MGRN1: variants seen among roughly 807,000 people sequenced by gnomAD.
MGRN1 encodes the protein mahogunin ring finger 1.
A neutral mutation model predicts 69.2 loss-of-function variants in MGRN1; 29 were observed. The ratio of observed to expected loss-of-function variants is 0.42; its 90% CI spans 0.31 to 0.57. The LOEUF (loss-of-function observed/expected upper bound fraction) is 0.57. Among genes scored for constraint, MGRN1 ranks in the 20% least tolerant of loss-of-function variants. MGRN1 has a pLI of 0.15. For missense variants in MGRN1, 998 were observed against 796.2 expected, an observed-to-expected ratio of 1.25 and a Z score of -3.05; for synonymous variants, 470 against 344.2, an observed-to-expected ratio of 1.37 and a Z score of -4.04.
At chr16:4,678,367 G>A (rs1215428598) in intron 11 of MGRN1, among the ~76,000 whole-genome samples, 1 of 152,216 alleles carries the variant, frequency 6.6e-6, no homozygotes, top group Non-Finnish European at 1.5e-5. Context: ...ACAGAGACAG[G>A]GCGAGAGAGA....
At chr16:4,659,339 T>A (rs940941872) in intron 5 of MGRN1, among the ~76,000 whole-genome samples, 1 of 151,852 alleles carries the variant, frequency 6.6e-6, no homozygotes, top group Non-Finnish European at 1.5e-5. Flanking sequence ...AGTGGGAGTT[T>A]GGGAGGTGTC....
chr16:4,668,205 C>A (rs1008750676), intron 7 of MGRN1, 60 bp from the exon 8 acceptor site: 8 of 1,552,150 alleles, frequency 5.2e-6, no homozygotes, highest in Non-Finnish European at 7.1e-6. Context: ...GGCGGCCACG[C>A]AGGGGTGCTC....
Position 4,688,398 on chromosome 16 carries a change from C to G in MGRN1, c.1619-398C>G, listed in dbSNP as rs539815335. On this transcript the variant is annotated intron_variant, in intron 16 of 16. Transcript: ENST00000262370. Reference sequence around the variant, plus strand: ...CCAGGGCCGCTCCCCACCCCTGCACCCTGGGTTGACCGAGTTCCACCCTAA... The same window carrying G: ...CCAGGGCCGCTCCCCACCCCTGCACGCTGGGTTGACCGAGTTCCACCCTAA... 7.7e-5 allele frequency: 78 copies of G among 1,018,696 alleles called. 1 individual carries two copies. The African/African-American group carries it at 8.7e-4, about 11-fold the overall frequency. 63.1% of individuals were successfully genotyped at this position (1,018,696 alleles called of 1,614,324 possible). A position where few individuals can be genotyped will look rare whatever the true frequency, so the allele number is the denominator to read the frequency against.
Position 4,651,982 on chromosome 16 carries a change from C to G in MGRN1, c.227C>G (p.Ala76Gly). ...TCCTAGTTTCCCTACGTCACTCCTG[C>G]CCCCCACGAGCCCGTGAAGACGCTG... ...RPVQFPYVTP[A>G]PHEPVKTLRS... Residue 76 changes from alanine (A) to glycine (G), a missense_variant, in exon 3 of 17, where the codon GCC (alanine) becomes GGC (glycine). Coordinates refer to ENST00000262370, the MANE Select transcript of MGRN1 (RefSeq NM_015246.4). 6.2e-7 allele frequency: 1 copy of G among 1,614,000 alleles called. No homozygotes were observed. The highest frequency in any genetic ancestry group is 8.5e-7 in the Non-Finnish European group (1 of 1,179,948).
chr16:4,661,069 A>G (rs1470011531), intron 5 of MGRN1, among the ~76,000 whole-genome samples: 6 of 151,724 alleles, frequency 4.0e-5, no homozygotes, highest in Non-Finnish European at 7.4e-5. Context: ...GCAGCCTCGA[A>G]CTCCTGGGTT....
Position 4,646,769 on chromosome 16 carries a change from C to T in MGRN1, c.89-3596C>T, listed in dbSNP as rs890998665. 4.6e-5 allele frequency among the ~76,000 whole-genome samples: 7 copies of T among 152,354 alleles called. No individual in the cohort carries two copies. In the East Asian group the frequency reaches 1.4e-3, roughly 29 times the overall value. The stretch of plus-strand genomic sequence containing the variant: ...GGGGGCCCTCGTGGAGGCTGGCCAC[C>T]TCGCTCATCTTCTGCCTACAGCGGG... On this transcript the variant is annotated intron_variant, in intron 1 of 16. Transcript: ENST00000262370.
intron 1 of MGRN1, among the ~76,000 whole-genome samples, chr16:4,628,322 C>T (rs1339658370): frequency 2.1e-5 from 3 of 142,750 alleles, no homozygotes; most frequent in Non-Finnish European, 4.5e-5. Context: ...GGAGGTGAAG[C>T]TTGCAGTGAG....
At chr16:4,685,696 G>A (rs192252033) in intron 16 of MGRN1, among the ~76,000 whole-genome samples, 3 of 152,372 alleles carry the variant, frequency 2.0e-5, no homozygotes, top group African/African-American at 7.2e-5. Context: ...AATCCATGTG[G>A]TGGCCCCTCT....
At chr16:4,640,819 G>A (rs982677829) in intron 1 of MGRN1, among the ~76,000 whole-genome samples, 4 of 152,228 alleles carry the variant, frequency 2.6e-5, no homozygotes, top group African/African-American at 9.6e-5. Context: ...CAGGAGGGGA[G>A]GTGCCCAGCA....
In MGRN1 at chr16:4,671,387, C is replaced by G. The variant is rs781153336; in HGVS notation, c.727-4C>G. On this transcript the variant is annotated splice_region_variant and splice_polypyrimidine_tract_variant and intron_variant, in intron 8 of 16. Transcript: ENST00000262370. ...GGCCCAGTGAGCCCCTCTCTGCTCTCCAGGTGGACCGGGTCAGCTACCTCC... is the reference window on the plus strand; with the variant it reads ...GGCCCAGTGAGCCCCTCTCTGCTCTGCAGGTGGACCGGGTCAGCTACCTCC... The G allele has an allele frequency of 3.7e-6, 6 of 1,613,948 alleles. No individual in the cohort carries two copies. Among genetic ancestry groups the G allele is most frequent in the African/African-American group, 2.7e-5 (2 of 74,918 alleles).
intron 7 of MGRN1, among the ~76,000 whole-genome samples, chr16:4,667,641 G>T (rs1405237098): frequency 6.6e-6 from 1 of 152,252 alleles, no homozygotes; most frequent in Non-Finnish European, 1.5e-5. Flanking sequence ...TCTGAGTGCT[G>T]ATGGTGGTTG....
chr16:4,664,730 G>A lies in MGRN1; in HGVS notation c.583G>A (p.Gly195Ser), dbSNP rs754587543. The A allele has an allele frequency of 1.2e-6, 2 of 1,614,074 alleles. No homozygotes were observed. Among genetic ancestry groups the A allele is most frequent in the South Asian group, 1.1e-5 (1 of 91,090 alleles). The change falls in exon 6 of 17, where the codon GGC (glycine) becomes AGC (serine). Residue 195 changes from glycine to serine, a missense_variant. Gly to Ser is a moderately conservative substitution (Grantham distance 56, BLOSUM62 0). Transcript: ENST00000262370. ...TCAGCTGAACTTTGACCTGGACCGG[G>A]GCGTGTTTCCAGTAGTCATCCAGGC... is the stretch of plus-strand genomic sequence containing the variant. ...DDELNFDLDR[G>S]VFPVVIQAVV...
At chr16:4,658,683 T>C (rs944716321) in intron 5 of MGRN1, among the ~76,000 whole-genome samples, 1 of 151,762 alleles carries the variant, frequency 6.6e-6, no homozygotes, top group Admixed American at 6.6e-5. Context: ...AGCCACTCTC[T>C]GTAAAAAGCC....
intron 16 of MGRN1, chr16:4,687,973 A>G (rs1361639870): frequency 4.1e-6 from 4 of 985,516 alleles, no homozygotes; most frequent in Non-Finnish European, 4.8e-6. Context: ...CATCGGTGGA[A>G]GGTGCCGTGC....
At chr16:4,657,865 C>T (rs2078586449) in intron 5 of MGRN1, among the ~76,000 whole-genome samples, 1 of 151,018 alleles carries the variant, frequency 6.6e-6, no homozygotes, top group Admixed American at 6.6e-5. Context: ...GCCTCAGCCT[C>T]CCGAGTGGCT....
intron 7 of MGRN1, 151 bp from the exon 8 acceptor site, chr16:4,668,114 T>G (rs1222165336): frequency 1.4e-5 from 9 of 624,396 alleles, no homozygotes; most frequent in Non-Finnish European, 2.5e-5. Context: ...CGCTGTCAAG[T>G]GGCCCCACCC....
chr16:4,673,440 C>T lies in MGRN1; in HGVS notation c.796-58C>T, dbSNP rs1030304081. ...GGGTGGGACAGCTGGGGACAGGAAG[C>T]AGGAGCCGTACTCTGGCCTTTGGGA... is the stretch of plus-strand genomic sequence containing the variant. On this transcript the variant is annotated intron_variant, in intron 9 of 16. Coordinates refer to ENST00000262370, the MANE Select transcript of MGRN1 (RefSeq NM_015246.4). The T allele has an allele frequency of 9.5e-6, 15 of 1,578,144 alleles. No homozygotes were observed. In the African/African-American group the frequency reaches 1.6e-4, roughly 17 times the overall value.
At chr16:4,642,032 C>A (rs148771812) in intron 1 of MGRN1, among the ~76,000 whole-genome samples, 2,293 of 152,120 alleles carry the variant, frequency 0.015, 30 homozygotes, top group Non-Finnish European at 0.023. Context: ...ATTGTCTGCG[C>A]CGTGTTGATC....
chr16:4,644,040 C>G (rs2078220579), intron 1 of MGRN1, among the ~76,000 whole-genome samples: 1 of 151,724 alleles, frequency 6.6e-6, no homozygotes, highest in South Asian at 2.1e-4. Flanking sequence ...TGAGGTGGTG[C>G]AATCTCGGCT....
Sources: gnomAD v4.1 joint callset for allele counts (sites outside exome capture counted in the v4.1 genomes callset) on GRCh38, gnomAD v4.1.1 for gene constraint, MANE v1.5 for transcripts, NCBI Gene and HGNC (gene_info 2026-07-23, HGNC 2026-07-21) for gene names.